The following FCHSD2 variants were observed in gnomAD, a reference collection of about 807,000 sequenced individuals.
FCHSD2 encodes the protein F-BAR and double SH3 domains protein 2.
Under a neutral mutation model 108.1 loss-of-function variants are expected in FCHSD2, and 38 were observed. That is an observed-to-expected ratio of 0.35 (90% CI 0.27 to 0.46). FCHSD2 has a LOEUF of 0.46. FCHSD2 is among the 20% of genes least tolerant of loss of function. The pLI, the probability that FCHSD2 is intolerant of heterozygous loss-of-function variation, is 1.00. For missense variants in FCHSD2, 751 were observed against 897.8 expected (o/e 0.84, Z 2.09); for synonymous variants, 279 against 314.7 (o/e 0.89, Z 1.20).
intron 9 of FCHSD2, among the ~76,000 whole-genome samples, chr11:72,915,248 G>A (rs1278251826): frequency 6.6e-5 from 10 of 151,778 alleles, no homozygotes; most frequent in African/African-American, 1.2e-4. Flanking sequence ...AAAAAACAAC[G>A]GATGCTGGCA....
At chr11:73,062,980 T>C (rs1046898325) in intron 3 of FCHSD2, among the ~76,000 whole-genome samples, 1 of 152,052 alleles carries the variant, frequency 6.6e-6, no homozygotes, top group African/African-American at 2.4e-5. Context: ...CTAAGACACA[T>C]AATCGTCAGA....
intron 13 of FCHSD2, among the ~76,000 whole-genome samples, chr11:72,862,988 T>A (rs1408534908): frequency 6.6e-6 from 1 of 152,186 alleles, no homozygotes; most frequent in Non-Finnish European, 1.5e-5. Context: ...AGTAGCACAA[T>A]CATAGTTCGC....
At chr11:73,060,525 T>A (rs960621156) in intron 3 of FCHSD2, among the ~76,000 whole-genome samples, 1 of 152,264 alleles carries the variant, frequency 6.6e-6, no homozygotes, top group Non-Finnish European at 1.5e-5. Flanking sequence ...AAATAATCAA[T>A]AGTATATCAT....
chr11:72,926,200 G>A (rs1447834090), intron 8 of FCHSD2, among the ~76,000 whole-genome samples: 1 of 152,102 alleles, frequency 6.6e-6, no homozygotes, highest in Non-Finnish European at 1.5e-5. Flanking sequence ...AAGACTGGGG[G>A]CTGGACTGCC....
intron 3 of FCHSD2, among the ~76,000 whole-genome samples, chr11:73,033,169 T>C (rs1304699344): frequency 6.6e-6 from 1 of 151,898 alleles, no homozygotes; most frequent in Non-Finnish European, 1.5e-5. Flanking sequence ...GCACCTGTAG[T>C]TCCAGCTACT....
At chr11:72,960,949 G>A (rs1259514385) in intron 8 of FCHSD2, among the ~76,000 whole-genome samples, 2 of 151,936 alleles carry the variant, frequency 1.3e-5, no homozygotes. Context: ...CACTTACTAT[G>A]TTTTCCTACT....
intron 3 of FCHSD2, among the ~76,000 whole-genome samples, chr11:73,051,268 T>C (rs189953401): frequency 9.9e-5 from 15 of 152,222 alleles, no homozygotes; most frequent in South Asian, 4.1e-4. Context: ...TGAGCCAAGA[T>C]TGCATTATTG....
At chr11:73,096,109 T>C (rs1320599344) in intron 2 of FCHSD2, among the ~76,000 whole-genome samples, 1 of 151,760 alleles carries the variant, frequency 6.6e-6, no homozygotes, top group Non-Finnish European at 1.5e-5. Flanking sequence ...TAAACAGACG[T>C]AAAATTTTTA....
At chr11:72,871,259 A>C (rs1854851771) in intron 12 of FCHSD2, among the ~76,000 whole-genome samples, 2 of 152,216 alleles carry the variant, frequency 1.3e-5, no homozygotes, top group Admixed American at 1.3e-4. Context: ...ACCAAGGCTG[A>C]AAGTGAGCCA....
At chr11:73,110,624 T>C (rs145194022) in intron 2 of FCHSD2, among the ~76,000 whole-genome samples, 23 of 152,294 alleles carry the variant, frequency 1.5e-4, no homozygotes, top group African/African-American at 5.1e-4. Context: ...AAACCAACTT[T>C]TCATTTTGTT....
At chr11:73,108,665 T>C (rs1199221660) in intron 2 of FCHSD2, among the ~76,000 whole-genome samples, 1 of 152,142 alleles carries the variant, frequency 6.6e-6, no homozygotes, top group African/African-American at 2.4e-5. Flanking sequence ...GCTTCCCGGG[T>C]TCACGCCATT....
chr11:72,902,670 T>C (rs1369747867), intron 9 of FCHSD2, 32 bp from the exon 10 acceptor site: 1 of 1,343,234 alleles, frequency 7.4e-7, no homozygotes, highest in Non-Finnish European at 1.0e-6. Context: ...TTTAGGTCTT[T>C]AATGAGGTTA....
At chr11:72,865,054 AG>A (rs1854692159) in intron 13 of FCHSD2, among the ~76,000 whole-genome samples, 1 of 152,244 alleles carries the variant, frequency 6.6e-6, no homozygotes, top group South Asian at 2.1e-4. Context: ...TTATTCTATA[AG>A]GGAGTAGTCT....
chr11:73,117,352 A>C (rs940084566), intron 2 of FCHSD2, among the ~76,000 whole-genome samples: 47 of 152,358 alleles, frequency 3.1e-4, no homozygotes, highest in South Asian at 8.3e-4. Flanking sequence ...CACACTCTTA[A>C]ATACTACATA....
intron 3 of FCHSD2, among the ~76,000 whole-genome samples, chr11:73,030,247 C>T (rs1465799396): frequency 6.6e-6 from 1 of 152,102 alleles, no homozygotes; most frequent in Admixed American, 6.5e-5. Flanking sequence ...AGTCAAGACA[C>T]TTATCGGAAG....
chr11:73,098,455 T>C (rs1860142350), intron 2 of FCHSD2, among the ~76,000 whole-genome samples: 1 of 152,246 alleles, frequency 6.6e-6, no homozygotes, highest in African/African-American at 2.4e-5. Context: ...TAATTGCTTA[T>C]AATCTAACAT....
intron 9 of FCHSD2, among the ~76,000 whole-genome samples, chr11:72,905,302 G>C (rs548769087): frequency 6.6e-6 from 1 of 152,004 alleles, no homozygotes; most frequent in South Asian, 2.1e-4. Context: ...TGGGTATATA[G>C]TAGGTATTTA....
intron 3 of FCHSD2, among the ~76,000 whole-genome samples, chr11:73,068,173 G>A (rs748628419): frequency 1.6e-4 from 25 of 152,060 alleles, no homozygotes; most frequent in African/African-American, 6.0e-4. Flanking sequence ...GATTTGGGTG[G>A]GGGCACAGGC....
intron 2 of FCHSD2, among the ~76,000 whole-genome samples, chr11:73,091,435 G>T (rs929372493): frequency 1.3e-5 from 2 of 152,190 alleles, no homozygotes; most frequent in Admixed American, 1.3e-4. Flanking sequence ...TGTAATCCCA[G>T]CTACATGGGA....
Sources: gnomAD v4.1 joint callset for allele counts (sites outside exome capture counted in the v4.1 genomes callset) on GRCh38, gnomAD v4.1.1 for gene constraint, MANE v1.5 for transcripts, NCBI Gene and HGNC (gene_info 2026-07-23, HGNC 2026-07-21) for gene names.